ADGRV1: variants seen among roughly 807,000 people sequenced by gnomAD.
ADGRV1 encodes G-protein coupled receptor 98.
A neutral mutation model predicts 596.2 loss-of-function variants in ADGRV1; 359 were observed. The ratio of observed to expected loss-of-function variants is 0.60; its 90% CI spans 0.55 to 0.66. ADGRV1 has a LOEUF of 0.66. ADGRV1 is among the 30% of genes least tolerant of loss of function. ADGRV1 has a pLI of 0.00. For missense variants in ADGRV1, 7,274 were observed against 7,575.6 expected (o/e 0.96, Z 1.48); for synonymous variants, 2,681 against 2,679.2 (o/e 1.00, Z -0.02).
chr5:91,036,431 G>A (rs1034269539), intron 85 of ADGRV1, among the ~76,000 whole-genome samples: 41 of 152,020 alleles, frequency 2.7e-4, no homozygotes, highest in African/African-American at 7.2e-4. Context: ...GCGTGGTGGC[G>A]GGCACCTGTA....
At chr5:90,666,954 C>T (rs1421398156) in intron 21 of ADGRV1, among the ~76,000 whole-genome samples, 1 of 152,008 alleles carries the variant, frequency 6.6e-6, no homozygotes, top group Admixed American at 6.6e-5. Flanking sequence ...TCTCTTCTGG[C>T]TTGTAGGGTT....
At chr5:90,919,994 C>CAAAAAAAAA (rs59122926) in intron 83 of ADGRV1, among the ~76,000 whole-genome samples, 3 of 80,082 alleles carry the variant, frequency 3.7e-5, no homozygotes, top group Non-Finnish European at 7.4e-5. Context: ...AACTCCATCT[C>CAAAAAAAAA]AAAAAAAAAA....
In ADGRV1 at chr5:91,031,167, C is replaced by T. The variant is rs1581841975; in HGVS notation, c.18153-41280C>T. On this transcript the variant is annotated intron_variant, in intron 85 of 89. Transcript: ENST00000405460. ...AGTAAGGTATTAGAAAAATAATTGT[C>T]CACAACCAAAAAGGCAAGAAGAGTA... The T allele has an allele frequency of 6.2e-6, 9 of 1,441,630 alleles. No homozygotes were observed. In the East Asian group the frequency reaches 2.1e-4, roughly 33 times the overall value. 89.3% of individuals were successfully genotyped at this position (1,441,630 alleles called of 1,614,324 possible).
At chr5:90,863,973 T>C (rs1767853143) in intron 83 of ADGRV1, 116 bp downstream of exon 83, 31 of 693,964 alleles carry the variant, frequency 4.5e-5, no homozygotes, top group Non-Finnish European at 7.4e-5. Flanking sequence ...AATAAACTTG[T>C]TTAGTTTTGC....
chr5:90,900,139 G>A (rs757628459), intron 83 of ADGRV1, among the ~76,000 whole-genome samples: 24 of 151,968 alleles, frequency 1.6e-4, no homozygotes, highest in Non-Finnish European at 3.4e-4. Context: ...CTCATTTTAG[G>A]TGTCACTCCC....
intron 83 of ADGRV1, among the ~76,000 whole-genome samples, chr5:90,928,161 G>C (rs920009087): frequency 6.6e-6 from 1 of 152,024 alleles, no homozygotes; most frequent in Non-Finnish European, 1.5e-5. Flanking sequence ...TGTATTTCCT[G>C]AATCTGAACG....
In ADGRV1 at chr5:90,810,847, A is replaced by T. The variant is rs555547971; in HGVS notation, c.15587A>T (p.His5196Leu). The change falls in exon 74 of 90, where the codon CAT (histidine) becomes CTT (leucine). Residue 5196 changes from histidine (H) to leucine (L), a missense_variant. By Grantham distance (99) the His-to-Leu change is moderately conservative. Coordinates refer to ENST00000405460, the MANE Select transcript of ADGRV1 (RefSeq NM_032119.4). ...ATCCCTGAGAAACTTGTCACCCTTC[A>T]TGGCACACCTGCTGTGTCTGAAAAG... is the stretch of plus-strand genomic sequence containing the variant. ...SAIPEKLVTL[H>L]GTPAVSEKPD... 5.6e-6 allele frequency: 9 copies of T among 1,614,010 alleles called. No homozygotes were observed. The South Asian group carries it at 7.7e-5, about 14-fold the overall frequency.
rs1767960103 is a variant in ADGRV1, at chr5:90,647,513, G to A, written c.3038G>A (p.Arg1013Lys). The A allele has an allele frequency of 6.2e-7, 1 of 1,612,276 alleles. No homozygotes were observed. Among genetic ancestry groups the A allele is most frequent in the Admixed American group, 1.7e-5 (1 of 59,926 alleles). ...PIYFAEPRVV[R>K]VQEGETANFT... ...GATATTTCAGAACCTCGTGTAGTGA[G>A]GGTTCAGGAAGGTGAGACTGCCAAC... The change falls in exon 17 of 90, where the codon AGG (arginine) becomes AAG (lysine). Residue 1013 changes from arginine (R) to lysine (K), a missense_variant. Physicochemically the swap from Arg to Lys is conservative, Grantham distance 26. Transcript: ENST00000405460.
intron 1 of ADGRV1, among the ~76,000 whole-genome samples, chr5:90,596,378 C>T (rs1355591543): frequency 6.6e-6 from 1 of 151,454 alleles, no homozygotes; most frequent in Non-Finnish European, 1.5e-5. Flanking sequence ...CCTCACTTCC[C>T]AGACGGGGTG....
At position 91,069,934 on chromosome 5, in the gene ADGRV1, A is replaced by C. The variant is rs558656525; in HGVS notation, c.18153-2513A>C. ...ATAGAATACAATGTAGCCACAAAAA[A>C]AAAAAAAAATGAAATCATGTCCTTT... On this transcript the variant is annotated intron_variant, in intron 85 of 89. Transcript: ENST00000405460. Among the ~76,000 whole-genome samples, 9 of 152,048 alleles carry C rather than the reference A, an allele frequency of 5.9e-5. No individual in the cohort carries two copies. In the East Asian group the frequency reaches 1.4e-3, roughly 23 times the overall value.
At chr5:90,776,400 C>T (rs1758234476) in intron 60 of ADGRV1, 53 bp from the exon 61 acceptor site, 1 of 1,552,166 alleles carries the variant, frequency 6.4e-7, no homozygotes, top group East Asian at 2.4e-5. Flanking sequence ...CAGGCATATA[C>T]TAAGTGCTTA....
chr5:90,744,455 A>G (rs1754376474), intron 50 of ADGRV1, among the ~76,000 whole-genome samples: 1 of 152,194 alleles, frequency 6.6e-6, no homozygotes, highest in South Asian at 2.1e-4. Context: ...AATATTTAAT[A>G]ATTAAATATA....
At chr5:90,898,522 C>G (rs1771532866) in intron 83 of ADGRV1, among the ~76,000 whole-genome samples, 1 of 152,206 alleles carries the variant, frequency 6.6e-6, no homozygotes, top group Admixed American at 6.5e-5. Context: ...TCTATCCTCA[C>G]TTTCATAGCA....
chr5:90,619,277 G>T, intron 4 of ADGRV1, 96 bp downstream of exon 4: 1 of 521,260 alleles, frequency 1.9e-6, no homozygotes. Context: ...ATCATGCTGT[G>T]TTTTGATATT....
At chr5:91,156,075 G>A in intron 89 of ADGRV1, among the ~76,000 whole-genome samples, 1 of 152,180 alleles carries the variant, frequency 6.6e-6, no homozygotes, top group East Asian at 1.9e-4. Flanking sequence ...GTTTGCAGGA[G>A]GAAACTGATG....
chr5:91,099,625 G>A (rs1191878464), intron 86 of ADGRV1, among the ~76,000 whole-genome samples: 4 of 152,186 alleles, frequency 2.6e-5, no homozygotes, highest in African/African-American at 9.6e-5. Context: ...ATAAGCAATA[G>A]CGGGGTGCGG....
intron 25 of ADGRV1, among the ~76,000 whole-genome samples, chr5:90,678,497 T>C (rs1185446219): frequency 6.6e-6 from 1 of 151,032 alleles, no homozygotes; most frequent in Non-Finnish European, 1.5e-5. Context: ...TAACTCTTAG[T>C]CCATTTCGTG....
chr5:90,875,311 T>C (rs1342109900), intron 83 of ADGRV1, among the ~76,000 whole-genome samples: 1 of 152,238 alleles, frequency 6.6e-6, no homozygotes, highest in Non-Finnish European at 1.5e-5. Flanking sequence ...ATGTGTTCAA[T>C]GCAGAATTAA....
chr5:91,118,574 G>C (rs1422219319), intron 87 of ADGRV1, among the ~76,000 whole-genome samples: 2 of 152,032 alleles, frequency 1.3e-5, no homozygotes, highest in Non-Finnish European at 2.9e-5. Flanking sequence ...GCTCAGAGCA[G>C]CATGAAAGGA....
Sources: allele counts gnomAD v4.1 joint callset (sites outside exome capture counted in the v4.1 genomes callset), GRCh38; gene constraint gnomAD v4.1.1; transcripts MANE v1.5; gene names NCBI Gene and HGNC (gene_info 2026-07-23, HGNC 2026-07-21).